THSD7B: variants seen among roughly 807,000 people sequenced by gnomAD.
THSD7B encodes thrombospondin type 1 domain containing 7B.
A neutral mutation model predicts 213.6 loss-of-function variants in THSD7B; 138 were observed. The ratio of observed to expected loss-of-function variants is 0.65; its 90% CI spans 0.56 to 0.74. The LOEUF (loss-of-function observed/expected upper bound fraction) is 0.74, where lower values mean the gene tolerates loss of function less well. Ranked by LOEUF, THSD7B falls within the 30% of genes least tolerant of loss-of-function variation. THSD7B has a pLI of 0.00. For synonymous variants in THSD7B, 742 were observed against 687.0 expected (o/e 1.08, Z -1.25); for missense variants, 1,931 against 1,991.5 (o/e 0.97, Z 0.58).
At chr2:137,432,187 T>C (rs983391387) in intron 14 of THSD7B, among the ~76,000 whole-genome samples, 2 of 151,996 alleles carry the variant, frequency 1.3e-5, no homozygotes, top group Non-Finnish European at 2.9e-5. Flanking sequence ...GGTCAGGAGA[T>C]TGAGACCATC....
intron 12 of THSD7B, among the ~76,000 whole-genome samples, chr2:137,391,446 T>C (rs1468866321): frequency 6.6e-6 from 1 of 152,150 alleles, no homozygotes; most frequent in Non-Finnish European, 1.5e-5. Flanking sequence ...CCCAGCATTT[T>C]GGGAGGCCAA....
intron 12 of THSD7B, among the ~76,000 whole-genome samples, chr2:137,355,863 T>G (rs977292342): frequency 6.6e-6 from 1 of 152,202 alleles, no homozygotes; most frequent in Admixed American, 6.5e-5. Flanking sequence ...TGACACATAG[T>G]GAGCGCTCTG....
intron 2 of THSD7B, chr2:136,990,797 G>A (rs1048324501): frequency 2.0e-4 from 188 of 954,882 alleles, no homozygotes; most frequent in Non-Finnish European, 1.7e-4. Context: ...ATTAGGACAC[G>A]CCACAGTGCC....
intron 15 of THSD7B, among the ~76,000 whole-genome samples, chr2:137,502,429 G>A (rs555181594): frequency 6.6e-6 from 1 of 152,090 alleles, no homozygotes; most frequent in Non-Finnish European, 1.5e-5. Flanking sequence ...AAAACAACGA[G>A]AGGGAAAGGT....
intron 7 of THSD7B, among the ~76,000 whole-genome samples, chr2:137,189,692 T>C (rs1480475261): frequency 6.6e-6 from 1 of 151,944 alleles, no homozygotes; most frequent in Non-Finnish European, 1.5e-5. Context: ...TGCATGTTTT[T>C]GTTGCGATTG....
At chr2:137,418,422 C>T (rs1373283589) in intron 14 of THSD7B, among the ~76,000 whole-genome samples, 1 of 152,154 alleles carries the variant, frequency 6.6e-6, no homozygotes, top group African/African-American at 2.4e-5. Flanking sequence ...TTTTACCCTC[C>T]TTTTTTTAAT....
In THSD7B at chr2:137,676,789, A is replaced by AT. The variant is rs1320575323; in HGVS notation, c.*188dup. On this transcript the variant is annotated 3_prime_UTR_variant, in exon 28 of 28. Coordinates refer to ENST00000409968, the MANE Select transcript of THSD7B (RefSeq NM_001316349.2). ...GGAGTCAAGGATTATTAGGTCTGCCATTTTGTTTTCAAGTTGTTTGTGGGT... is the reference window on the plus strand; with the variant it reads ...GGAGTCAAGGATTATTAGGTCTGCCATTTTTGTTTTCAAGTTGTTTGTGGGT... The AT allele has an allele frequency of 9.9e-6, 5 of 503,132 alleles. No individual in the cohort carries two copies. In the Admixed American group the frequency reaches 1.3e-4, roughly 13 times the overall value. 31.2% of individuals were successfully genotyped at this position (503,132 alleles called of 1,614,324 possible). A position where few individuals can be genotyped will look rare whatever the true frequency, so the allele number is the denominator to read the frequency against.
intron 5 of THSD7B, 25 bp from the exon 6 acceptor site, chr2:137,160,188 G>A (rs747579925): frequency 6.9e-6 from 11 of 1,600,796 alleles, no homozygotes; most frequent in Non-Finnish European, 7.7e-6. Context: ...AATGTGACAT[G>A]GTCCGTTATC....
intron 15 of THSD7B, among the ~76,000 whole-genome samples, chr2:137,453,160 CAT>C (rs1176285125): frequency 1.3e-5 from 2 of 151,682 alleles, no homozygotes; most frequent in Non-Finnish European, 2.9e-5. Context: ...CACCCGAATC[CAT>C]ATGTTATATA....
intron 14 of THSD7B, 49 bp downstream of exon 14, chr2:137,411,921 C>T (rs763001083): frequency 1.0e-5 from 16 of 1,594,144 alleles, no homozygotes; most frequent in South Asian, 2.2e-5. Context: ...ACACACAGCT[C>T]GGGAGGTTTG....
At chr2:137,125,715 T>C (rs1688619391) in intron 5 of THSD7B, among the ~76,000 whole-genome samples, 1 of 152,222 alleles carries the variant, frequency 6.6e-6, no homozygotes, top group Non-Finnish European at 1.5e-5. Flanking sequence ...ATTTATTTCA[T>C]TTTCAATTAT....
chr2:137,358,186 G>T (rs1325958480), intron 12 of THSD7B, among the ~76,000 whole-genome samples: 1 of 152,150 alleles, frequency 6.6e-6, no homozygotes, highest in African/African-American at 2.4e-5. Context: ...AGTTTTGTTT[G>T]CTTGTTTGGT....
chr2:137,673,560 T>C (rs961511658), intron 27 of THSD7B, among the ~76,000 whole-genome samples: 2 of 152,000 alleles, frequency 1.3e-5, no homozygotes, highest in South Asian at 4.2e-4. Context: ...AAATAAGAAA[T>C]AAACTTACTT....
intron 15 of THSD7B, among the ~76,000 whole-genome samples, chr2:137,560,144 A>G (rs1341959776): frequency 6.7e-6 from 1 of 150,064 alleles, no homozygotes; most frequent in African/African-American, 2.5e-5. Flanking sequence ...ATTATGGAAG[A>G]CTGTGTGGCG....
chr2:136,996,725 C>T (rs1410243847), intron 2 of THSD7B, among the ~76,000 whole-genome samples: 2 of 152,060 alleles, frequency 1.3e-5, no homozygotes. Flanking sequence ...AATTATTAAT[C>T]AATCAATATT....
At chr2:136,858,996 G>A (rs1010320095) in intron 1 of THSD7B, among the ~76,000 whole-genome samples, 1 of 152,182 alleles carries the variant, frequency 6.6e-6, no homozygotes, top group East Asian at 1.9e-4. Flanking sequence ...GGAAATGCTG[G>A]TTGGGCTGAC....
intron 1 of THSD7B, among the ~76,000 whole-genome samples, chr2:136,845,192 G>A (rs188417989): frequency 1.5e-4 from 23 of 152,324 alleles, no homozygotes; most frequent in Admixed American, 8.5e-4. Flanking sequence ...GTGCATTGGA[G>A]CATCTGGGCA....
At chr2:137,161,938 C>T (rs1680027183) in intron 6 of THSD7B, among the ~76,000 whole-genome samples, 1 of 152,156 alleles carries the variant, frequency 6.6e-6, no homozygotes, top group African/African-American at 2.4e-5. Context: ...ACCAAGGCTC[C>T]TCCAGTCACT....
intron 12 of THSD7B, among the ~76,000 whole-genome samples, chr2:137,346,655 T>C (rs1218101463): frequency 6.6e-6 from 1 of 151,844 alleles, no homozygotes; most frequent in Non-Finnish European, 1.5e-5. Context: ...TACATTTTTG[T>C]ATGTGTAATT....
Sources: allele counts gnomAD v4.1 joint callset (sites outside exome capture counted in the v4.1 genomes callset), GRCh38; gene constraint gnomAD v4.1.1; transcripts MANE v1.5; gene names NCBI Gene and HGNC (gene_info 2026-07-23, HGNC 2026-07-21).